Variants in CDYL observed in about 807,000 individuals in gnomAD.
The protein encoded by CDYL is chromodomain Y-like protein.
Under a neutral mutation model 47.3 loss-of-function variants are expected in CDYL, and 8 were observed. The ratio of observed to expected loss-of-function variants is 0.17; its 90% CI spans 0.10 to 0.31. The LOEUF is 0.31. CDYL is among the 10% of genes least tolerant of loss of function. The pLI is 1.00. For missense variants in CDYL, 471 were observed against 701.4 expected (o/e 0.67, Z 3.71); for synonymous variants, 266 against 265.0 (o/e 1.00, Z -0.04).
chr6:4,937,753 G>GT lies in CDYL; in HGVS notation c.1121+22dup, dbSNP rs1325159491. On this transcript the variant is annotated intron_variant, in intron 4 of 6. Transcript: ENST00000397588. ...AAGCTATCAGGTATGTAAAAATGAT[G>GT]TTTTTTAAACATTGGTTGGGTGTTT... 1 of 1,595,628 alleles carries GT rather than the reference G, an allele frequency of 6.3e-7. No individual in the cohort carries two copies. Among genetic ancestry groups the GT allele is most frequent in the African/African-American group, 1.4e-5 (1 of 73,664 alleles).
intron 3 of CDYL, among the ~76,000 whole-genome samples, chr6:4,739,137 G>T (rs995384046): frequency 1.3e-5 from 2 of 150,734 alleles, no homozygotes; most frequent in Non-Finnish European, 3.0e-5. Flanking sequence ...CTCCAGCCTG[G>T]GCAACAAGAG....
intron 3 of CDYL, among the ~76,000 whole-genome samples, chr6:4,760,052 T>C (rs1307252051): frequency 6.6e-6 from 1 of 151,866 alleles, no homozygotes; most frequent in East Asian, 1.9e-4. Context: ...AAGTCTGTTG[T>C]TTTTTTCTGC....
intron 1 of CDYL, among the ~76,000 whole-genome samples, chr6:4,879,652 G>A (rs1761711944): frequency 2.0e-5 from 3 of 146,766 alleles, no homozygotes; most frequent in Admixed American, 1.4e-4. Context: ...TCTGCCTCCC[G>A]GGTTCAAGCA....
intron 1 of CDYL, among the ~76,000 whole-genome samples, chr6:4,832,017 G>A (rs1212752556): frequency 1.3e-5 from 2 of 152,032 alleles, no homozygotes; most frequent in Non-Finnish European, 1.5e-5. Context: ...CATGTCATCT[G>A]CAAACAGGGA....
intron 1 of CDYL, among the ~76,000 whole-genome samples, chr6:4,841,208 C>T (rs1056965802): frequency 6.6e-5 from 10 of 152,002 alleles, no homozygotes; most frequent in South Asian, 2.1e-4. Context: ...TAAAGGTGTT[C>T]GTAGTTGGCT....
chr6:4,847,457 A>G (rs1760696096), intron 1 of CDYL, among the ~76,000 whole-genome samples: 1 of 152,164 alleles, frequency 6.6e-6, no homozygotes, highest in Non-Finnish European at 1.5e-5. Context: ...CTAGCTGAGC[A>G]TCTTGTGTGA....
intron 2 of CDYL, among the ~76,000 whole-genome samples, chr6:4,902,267 G>A (rs1018258300): frequency 3.9e-5 from 6 of 151,906 alleles, no homozygotes; most frequent in African/African-American, 1.5e-4. Context: ...TTAGCCGGGC[G>A]TGGTGGCGCA....
chr6:4,872,929 T>G (rs1382882882), intron 1 of CDYL, among the ~76,000 whole-genome samples: 1 of 152,234 alleles, frequency 6.6e-6, no homozygotes, highest in African/African-American at 2.4e-5. Context: ...AAGCTTTCTG[T>G]TTAACATTTT....
At chr6:4,874,183 C>G (rs1761553714) in intron 1 of CDYL, among the ~76,000 whole-genome samples, 1 of 151,942 alleles carries the variant, frequency 6.6e-6, no homozygotes, top group Non-Finnish European at 1.5e-5. Context: ...ATTTATTGGC[C>G]ATTTGTATTT....
intron 1 of CDYL, among the ~76,000 whole-genome samples, chr6:4,889,674 G>A (rs779739233): frequency 1.3e-5 from 2 of 151,976 alleles, no homozygotes; most frequent in Non-Finnish European, 2.9e-5. Context: ...ATTGTGTCTC[G>A]CTACTTCCTT....
rs140032568 is a variant in CDYL, at chr6:4,755,366, C to T, written c.186+20522C>T. 5.1e-3 allele frequency among the ~76,000 whole-genome samples: 770 copies of T among 152,262 alleles called. 19 individuals carry two copies. Among genetic ancestry groups the T allele is most frequent in the East Asian group, 0.044 (226 of 5,180 alleles). On this transcript the variant is annotated intron_variant, in intron 3 of 8. Transcript: ENST00000328908. ...GATTACAGGCGTGAGCCACCACGCC[C>T]GACCACCTTTGCCTTGTTAAACATT...
intron 2 of CDYL, among the ~76,000 whole-genome samples, chr6:4,923,713 G>T (rs1039250576): frequency 6.6e-6 from 1 of 151,936 alleles, no homozygotes; most frequent in Admixed American, 6.6e-5. Context: ...CTTCTAACCC[G>T]GTGAAACCCC....
At chr6:4,891,037 T>C (rs1396011597) in intron 1 of CDYL, among the ~76,000 whole-genome samples, 1 of 152,226 alleles carries the variant, frequency 6.6e-6, no homozygotes, top group African/African-American at 2.4e-5. Context: ...GTTGTGTGAA[T>C]TGATAAATTT....
At chr6:4,885,504 T>C (rs1354966815) in intron 1 of CDYL, among the ~76,000 whole-genome samples, 1 of 152,184 alleles carries the variant, frequency 6.6e-6, no homozygotes. Flanking sequence ...TTTCAGGCAT[T>C]GGCAGGGGGT....
chr6:4,765,013 T>C (rs1477170128), intron 3 of CDYL, among the ~76,000 whole-genome samples: 1 of 151,990 alleles, frequency 6.6e-6, no homozygotes, highest in Admixed American at 6.5e-5. Flanking sequence ...TTATATTCTT[T>C]CACTACAATG....
rs1258107015 is a variant in CDYL at position 4,924,662 on chromosome 6, A to G, written c.692-10853A>G. ...TGGTTTTATTTTTAGGGCCAGGTCT[A>G]AAACATGGCTGTGAATAAATTTTTT... On this transcript the variant is annotated intron_variant, in intron 2 of 6. Coordinates refer to ENST00000397588, the MANE Select transcript of CDYL (RefSeq NM_004824.4). Among the ~76,000 whole-genome samples, 3 of 152,348 alleles carry G rather than the reference A, an allele frequency of 2.0e-5. No individual in the cohort carries two copies. In the East Asian group the frequency reaches 5.8e-4, roughly 29 times the overall value.
chr6:4,841,252 G>T (rs968031282), intron 1 of CDYL, among the ~76,000 whole-genome samples: 1 of 152,136 alleles, frequency 6.6e-6, no homozygotes, highest in Non-Finnish European at 1.5e-5. Context: ...GGTATCAGTT[G>T]TGGTATCTCC....
chr6:4,912,727 C>T (rs1310779513), intron 2 of CDYL, among the ~76,000 whole-genome samples: 1 of 152,144 alleles, frequency 6.6e-6, no homozygotes, highest in Non-Finnish European at 1.5e-5. Flanking sequence ...TCTGGTGGAG[C>T]CTCTTTGCTG....
chr6:4,890,522 G>C (rs960817537), intron 1 of CDYL, among the ~76,000 whole-genome samples: 1 of 152,112 alleles, frequency 6.6e-6, no homozygotes, highest in Non-Finnish European at 1.5e-5. Context: ...CAGTAGTTAA[G>C]GGCTTCAGTT....
Sources: gnomAD v4.1 joint callset for allele counts (sites outside exome capture counted in the v4.1 genomes callset) on GRCh38, gnomAD v4.1.1 for gene constraint, MANE v1.5 for transcripts, NCBI Gene and HGNC (gene_info 2026-07-23, HGNC 2026-07-21) for gene names.